ANAPC5: variants seen among roughly 807,000 people sequenced by gnomAD.
The protein encoded by ANAPC5 is anaphase promoting complex subunit 5.
ANAPC5 carries 60 observed loss-of-function variants against 91.3 expected under a neutral mutation model. That is an observed-to-expected ratio of 0.66 (90% CI 0.53 to 0.81). The LOEUF (loss-of-function observed/expected upper bound fraction) is 0.81, where lower values mean the gene tolerates loss of function less well. ANAPC5 is among the 40% of genes least tolerant of loss of function. ANAPC5 has a pLI of 0.00. For synonymous variants in ANAPC5, 340 were observed against 364.1 expected (o/e 0.93, Z 0.75); for missense variants, 690 against 931.5 (o/e 0.74, Z 3.37).
At chr12:121,341,972 A>AAG (rs782249972) in intron 5 of ANAPC5, 31 bp downstream of exon 5, 1 of 1,548,832 alleles carries the variant, frequency 6.5e-7, no homozygotes, top group Non-Finnish European at 8.9e-7. Flanking sequence ...ACTAGAACAG[A>AAG]AGTTCATGAT....
chr12:121,325,858 C>T (rs1325206606), intron 11 of ANAPC5, among the ~76,000 whole-genome samples: 1 of 152,210 alleles, frequency 6.6e-6, no homozygotes, highest in African/African-American at 2.4e-5. Flanking sequence ...CAGAGCGACA[C>T]TCCGTTTCAA....
chr12:121,319,103 G>A (rs551932002), intron 13 of ANAPC5, among the ~76,000 whole-genome samples: 16 of 128,710 alleles, frequency 1.2e-4, no homozygotes, highest in Admixed American at 1.2e-3. Context: ...TGAGCATGCT[G>A]TGTATACACA....
intron 11 of ANAPC5, among the ~76,000 whole-genome samples, chr12:121,324,589 T>A (rs1207477818): frequency 6.6e-6 from 1 of 152,162 alleles, no homozygotes; most frequent in East Asian, 1.9e-4. Flanking sequence ...TGAACAAAGT[T>A]ACAAGGCTAA....
At chr12:121,309,924 G>A (rs577999086) in intron 15 of ANAPC5, 61 bp from the exon 16 acceptor site, 78 of 1,470,978 alleles carry the variant, frequency 5.3e-5, no homozygotes, top group African/African-American at 8.5e-5. Context: ...ACCAGGAAGC[G>A]TTTCATTTCT....
intron 15 of ANAPC5, among the ~76,000 whole-genome samples, chr12:121,313,127 G>A (rs1408367840): frequency 2.6e-5 from 4 of 152,000 alleles, no homozygotes; most frequent in African/African-American, 9.7e-5. Flanking sequence ...GGCGTTCGAG[G>A]CCAGCCTGGC....
chr12:121,323,321 G>A (rs1270075371), intron 11 of ANAPC5, among the ~76,000 whole-genome samples: 2 of 151,744 alleles, frequency 1.3e-5, no homozygotes, highest in East Asian at 3.9e-4. Context: ...TTATATTGTC[G>A]GGATGTTTAT....
At chr12:121,319,166 T>C (rs556306276) in intron 13 of ANAPC5, among the ~76,000 whole-genome samples, 16 of 152,172 alleles carry the variant, frequency 1.1e-4, no homozygotes, top group African/African-American at 1.9e-4. Flanking sequence ...ATTCTGGAAT[T>C]ATAGATAACA....
At chr12:121,353,718 G>T (rs1903990477), upstream of ANAPC5, among the ~76,000 whole-genome samples, 1 of 152,110 alleles carries the variant, frequency 6.6e-6, no homozygotes. Context: ...GGGATTACAG[G>T]CGTGAGCCAC....
chr12:121,319,593 A>T, intron 13 of ANAPC5, 104 bp downstream of exon 13: 2 of 1,250,252 alleles, frequency 1.6e-6, no homozygotes, highest in Non-Finnish European at 2.2e-6. Flanking sequence ...TTAAGAAAAT[A>T]AAGTTTTTTT....
At chr12:121,321,684 C>T (rs1246341859) in intron 11 of ANAPC5, among the ~76,000 whole-genome samples, 9 of 151,614 alleles carry the variant, frequency 5.9e-5, no homozygotes, top group East Asian at 5.8e-4. Context: ...ATTACAGGTG[C>T]GCGCCACCAT....
chr12:121,326,979 CCA>C (rs1459047643), intron 11 of ANAPC5, 115 bp downstream of exon 11: 4 of 1,337,574 alleles, frequency 3.0e-6, no homozygotes, highest in African/African-American at 3.0e-5. Context: ...ACTCTTTCAG[CCA>C]CAGTGTCGAG....
rs782275374 is a variant in ANAPC5 at position 121,330,660 on chromosome 12, C to A, written c.1045G>T (p.Val349Leu). The part of the protein sequence containing the change: ...CLQHCLSWLY[V>L]LGQKRSDSYV... Reference sequence around the variant, plus strand: ...CTATCGGATCTCTTCTGCCCCAGCACATAAAGCCAGCTCTGGCAAGAGAAA... The same window carrying A: ...CTATCGGATCTCTTCTGCCCCAGCAAATAAAGCCAGCTCTGGCAAGAGAAA... Residue 349 changes from valine (V) to leucine (L), a missense_variant, in exon 9 of 17, where the codon GTG (valine) becomes TTG (leucine). By Grantham distance (32) the Val-to-Leu change is conservative. This residue lies in a region of ANAPC5 where 36 missense variants were observed against 27.6 expected (regional missense o/e 1.30). Coordinates refer to ENST00000261819, the MANE Select transcript of ANAPC5 (RefSeq NM_016237.5). The A allele has an allele frequency of 1.9e-6, 3 of 1,613,924 alleles. No individual in the cohort carries two copies. The highest frequency in any genetic ancestry group is 2.7e-5 in the African/African-American group (2 of 74,920).
intron 5 of ANAPC5, among the ~76,000 whole-genome samples, chr12:121,338,938 T>C (rs1393720149): frequency 3.3e-5 from 5 of 152,080 alleles, no homozygotes; most frequent in East Asian, 1.9e-4. Context: ...ATTTATATAA[T>C]GTGTATATAC....
intron 1 of ANAPC5, among the ~76,000 whole-genome samples, chr12:121,351,435 C>G (rs1555275352): frequency 6.6e-6 from 1 of 150,898 alleles, no homozygotes. Context: ...GTTAAGTATT[C>G]AATCAGTGCT....
chr12:121,353,502 G>A (rs544331617), upstream of ANAPC5, among the ~76,000 whole-genome samples: 62 of 151,678 alleles, frequency 4.1e-4, no homozygotes, highest in Admixed American at 4.0e-3. Context: ...GTGCAGTGGC[G>A]CGATCTCTGC....
intron 9 of ANAPC5, 135 bp from the exon 10 acceptor site, chr12:121,328,632 A>T (rs1902909443): frequency 2.5e-6 from 2 of 806,056 alleles, no homozygotes; most frequent in Admixed American, 2.6e-5. Flanking sequence ...AAGTACCTAT[A>T]ACCTGGCCTT....
At chr12:121,347,502 A>G (rs1555274818) in intron 2 of ANAPC5, 13 of 344,018 alleles carry the variant, frequency 3.8e-5, no homozygotes, top group Non-Finnish European at 5.3e-6. Flanking sequence ...TTGGTGGTGT[A>G]TGCTTGTAGT....
At chr12:121,317,329 C>T (rs182542330) in intron 15 of ANAPC5, among the ~76,000 whole-genome samples, 32 of 151,440 alleles carry the variant, frequency 2.1e-4, no homozygotes, top group African/African-American at 7.8e-4. Flanking sequence ...TCCTGGCTCA[C>T]TGCAACCTCC....
At chr12:121,316,559 C>T (rs1437828741) in intron 15 of ANAPC5, among the ~76,000 whole-genome samples, 16 of 151,790 alleles carry the variant, frequency 1.1e-4, no homozygotes. Context: ...CAGTGAAACC[C>T]CATCTCTACT....
Sources: gnomAD v4.1 joint callset for allele counts (sites outside exome capture counted in the v4.1 genomes callset) on GRCh38, gnomAD v4.1.1 for gene constraint, gnomAD v4.1.1 regional missense constraint, MANE v1.5 for transcripts, NCBI Gene and HGNC (gene_info 2026-07-23, HGNC 2026-07-21) for gene names.